Variants in SLCO3A1 observed in about 807,000 individuals in gnomAD.
SLCO3A1 encodes PGE1 transporter.
Under a neutral mutation model 63.1 loss-of-function variants are expected in SLCO3A1, and 27 were observed. The ratio of observed to expected loss-of-function variants is 0.43; its 90% CI spans 0.32 to 0.59. SLCO3A1 has a LOEUF of 0.59. Ranked by LOEUF, SLCO3A1 falls within the 20% of genes least tolerant of loss-of-function variation. The pLI is 0.09. For missense variants in SLCO3A1, 773 were observed against 945.8 expected, an observed-to-expected ratio of 0.82 and a Z score of 2.40; for synonymous variants, 473 against 409.9, an observed-to-expected ratio of 1.15 and a Z score of -1.86.
intron 2 of SLCO3A1, among the ~76,000 whole-genome samples, chr15:91,960,449 G>A (rs914837432): frequency 1.3e-5 from 2 of 152,132 alleles, no homozygotes; most frequent in Non-Finnish European, 2.9e-5. Context: ...CTGAAGGTTT[G>A]TATACACATT....
At chr15:92,108,169 T>C (rs992103348) in intron 4 of SLCO3A1, among the ~76,000 whole-genome samples, 2 of 152,312 alleles carry the variant, frequency 1.3e-5, no homozygotes, top group South Asian at 2.1e-4. Context: ...CCCCATCTTA[T>C]AGCAACAGCC....
intron 2 of SLCO3A1, among the ~76,000 whole-genome samples, chr15:92,070,500 A>G (rs1279165315): frequency 6.6e-6 from 1 of 152,136 alleles, no homozygotes; most frequent in Non-Finnish European, 1.5e-5. Context: ...AAAATTAGCC[A>G]GGTGGGATGA....
intron 2 of SLCO3A1, among the ~76,000 whole-genome samples, chr15:91,987,758 GATAATA>G (rs950447373): frequency 2.4e-5 from 3 of 125,632 alleles, no homozygotes; most frequent in African/African-American, 5.7e-5. Context: ...AAAAAAAAAA[GATAATA>G]ATAATTAATT....
intron 3 of SLCO3A1, 63 bp from the exon 4 acceptor site, chr15:92,104,216 C>A: frequency 6.4e-7 from 1 of 1,573,594 alleles, no homozygotes; most frequent in Non-Finnish European, 8.6e-7. Context: ...TTCAGATTCT[C>A]AGCAAAATCC....
chr15:92,103,191 C>T (rs1567121302), intron 3 of SLCO3A1, among the ~76,000 whole-genome samples: 1 of 152,194 alleles, frequency 6.6e-6, no homozygotes, highest in Non-Finnish European at 1.5e-5. Context: ...TCCAGGCCTG[C>T]AGCCCTGTTG....
At chr15:91,990,292 G>T (rs757557117) in intron 2 of SLCO3A1, among the ~76,000 whole-genome samples, 1 of 152,190 alleles carries the variant, frequency 6.6e-6, no homozygotes, top group Non-Finnish European at 1.5e-5. Context: ...AACTTTGCCA[G>T]AATTAAAGCA....
At chr15:92,107,404 C>T (rs1209813558) in intron 4 of SLCO3A1, among the ~76,000 whole-genome samples, 1 of 152,092 alleles carries the variant, frequency 6.6e-6, no homozygotes, top group Non-Finnish European at 1.5e-5. Context: ...CCATGCGAGA[C>T]ACATGTTTTT....
downstream of SLCO3A1, among the ~76,000 whole-genome samples, chr15:92,168,753 A>G (rs7178880): frequency 0.15 from 23,036 of 152,210 alleles, 2,307 homozygotes; most frequent in East Asian, 0.3. Flanking sequence ...CCAAGAATAA[A>G]GTAAGTACCC....
At chr15:92,091,494 G>T (rs1025715772) in intron 2 of SLCO3A1, among the ~76,000 whole-genome samples, 1 of 152,212 alleles carries the variant, frequency 6.6e-6, no homozygotes, top group African/African-American at 2.4e-5. Context: ...GAATTAAGGG[G>T]GAAACCAAGG....
At chr15:91,957,574 G>T (rs1018155266) in intron 2 of SLCO3A1, among the ~76,000 whole-genome samples, 1 of 152,004 alleles carries the variant, frequency 6.6e-6, no homozygotes, top group African/African-American at 2.4e-5. Context: ...TTTACATTTT[G>T]CTGTTCCCTC....
chr15:92,097,833 A>T (rs1020377047), intron 3 of SLCO3A1: 4 of 152,216 alleles, frequency 2.6e-5, no homozygotes, highest in Non-Finnish European at 4.4e-5. Context: ...AGTTGCCAGC[A>T]GTTTTTATTG....
chr15:92,163,929 A>T lies in SLCO3A1; in HGVS notation c.*794A>T. 1.0e-6 allele frequency: 1 copy of T among 985,528 alleles called. No homozygotes were observed. The highest frequency in any genetic ancestry group is 1.2e-6 in the Non-Finnish European group (1 of 829,984). The allele number at this position is 985,528 out of a possible 1,614,324, so 61.0% of individuals were successfully genotyped here. On this transcript the variant is annotated 3_prime_UTR_variant, in exon 10 of 10. Transcript: ENST00000318445. ...CCCAGCCCCACAGAGTGACCTCAGG[A>T]AGCAGTAGGCCTCGCCTGGCTATGA...
intron 2 of SLCO3A1, among the ~76,000 whole-genome samples, chr15:91,975,469 C>T (rs1901066403): frequency 6.6e-6 from 1 of 152,220 alleles, no homozygotes; most frequent in African/African-American, 2.4e-5. Context: ...GCAGGATTAG[C>T]CACAGACTGA....
intron 2 of SLCO3A1, among the ~76,000 whole-genome samples, chr15:91,943,543 C>T (rs891923111): frequency 2.6e-5 from 4 of 152,200 alleles, no homozygotes; most frequent in African/African-American, 4.8e-5. Flanking sequence ...CTGCTATGAA[C>T]CATAGGTGTG....
In SLCO3A1 at chr15:92,165,386, T is replaced by A; in HGVS notation, c.*2251T>A. The A allele has an allele frequency of 1.0e-6, 1 of 985,406 alleles. No individual in the cohort carries two copies. Among genetic ancestry groups the A allele is most frequent in the Middle Eastern group, 5.2e-4 (1 of 1,914 alleles). 61.0% of individuals were successfully genotyped at this position (985,406 alleles called of 1,614,324 possible). A position where few individuals can be genotyped will look rare whatever the true frequency, so the allele number is the denominator to read the frequency against. On this transcript the variant is annotated 3_prime_UTR_variant, in exon 10 of 10. Transcript: ENST00000318445. ...ATATCCTGTACAGATTTTGGTTTAG[T>A]TTTGCAAATATATTGCTAATAGGTC... is the stretch of plus-strand genomic sequence containing the variant.
chr15:92,101,370 A>G (rs2047602617), intron 3 of SLCO3A1, among the ~76,000 whole-genome samples: 1 of 152,104 alleles, frequency 6.6e-6, no homozygotes, highest in Admixed American at 6.5e-5. Flanking sequence ...TTAGCCGGGC[A>G]TGGTGGTGGG....
rs1427609155 is a variant in SLCO3A1, at chr15:91,926,594, T to C, written c.646+10136T>C. The stretch of plus-strand genomic sequence containing the variant: ...GTGTGTGTGTGTGTGTGTGTGTGTG[T>C]GTGCGCGCGCGCACGCCCATGCTTA... On this transcript the variant is annotated intron_variant, in intron 2 of 9. Coordinates refer to ENST00000318445, the MANE Select transcript of SLCO3A1 (RefSeq NM_013272.4). Among the ~76,000 whole-genome samples the C allele has an allele frequency of 4.2e-3, 393 of 94,240 alleles. 7 individuals are homozygous for C. Among genetic ancestry groups the C allele is most frequent in the Admixed American group, 0.012 (130 of 10,806 alleles). 61.8% of individuals were successfully genotyped at this position (94,240 alleles called of 152,430 possible).
chr15:91,936,323 A>G (rs1440295865), intron 2 of SLCO3A1, among the ~76,000 whole-genome samples: 10 of 152,252 alleles, frequency 6.6e-5, no homozygotes, highest in African/African-American at 2.4e-4. Context: ...ACTGTCCAAT[A>G]TGGCATCCAC....
At chr15:92,058,481 T>C (rs543800484) in intron 2 of SLCO3A1, among the ~76,000 whole-genome samples, 1 of 152,222 alleles carries the variant, frequency 6.6e-6, no homozygotes, top group East Asian at 1.9e-4. Flanking sequence ...AGATAGGATG[T>C]TGGGTGTCCC....
Sources: gnomAD v4.1 joint callset for allele counts (sites outside exome capture counted in the v4.1 genomes callset) on GRCh38, gnomAD v4.1.1 for gene constraint, MANE v1.5 for transcripts, NCBI Gene and HGNC (gene_info 2026-07-23, HGNC 2026-07-21) for gene names.